Variants in NMNAT3 observed in about 807,000 individuals in gnomAD.
The protein encoded by NMNAT3 is nicotinamide nucleotide adenylyltransferase 3, also known as nicotinamide/nicotinic acid mononucleotide adenylyltransferase 3.
A neutral mutation model predicts 24.8 loss-of-function variants in NMNAT3; 21 were observed. The observed-to-expected ratio is 0.85, with a 90% CI of 0.60 to 1.22. The LOEUF is 1.22. Ranked by LOEUF, NMNAT3 falls within the 50% of genes most tolerant of loss-of-function variation. The probability of loss-of-function intolerance (pLI) is 0.00; values close to 1 mark genes in which losing one functional copy is unlikely to be tolerated. For missense variants in NMNAT3, 387 were observed against 436.6 expected (o/e 0.89, Z 1.01); for synonymous variants, 136 against 155.2 (o/e 0.88, Z 0.92).
At chr3:139,677,125 TA>T (rs562737300) in intron 1 of NMNAT3, among the ~76,000 whole-genome samples, 31 of 152,330 alleles carry the variant, frequency 2.0e-4, no homozygotes, top group African/African-American at 7.5e-4. Context: ...GGGAATTCTC[TA>T]AAGTTTTAGT....
chr3:139,576,166 C>T (rs1576543336), intron 5 of NMNAT3: 1 of 985,250 alleles, frequency 1.0e-6, no homozygotes, highest in African/African-American at 1.7e-5. Context: ...CTAAATGGAG[C>T]AAAAGATGGG....
intron 1 of NMNAT3, among the ~76,000 whole-genome samples, chr3:139,669,547 C>T (rs926100903): frequency 6.7e-6 from 1 of 148,662 alleles, no homozygotes; most frequent in Admixed American, 6.7e-5. Flanking sequence ...GTTGAAATGT[C>T]AGCACAACCA....
chr3:139,629,838 C>A (rs769684161), intron 2 of NMNAT3, among the ~76,000 whole-genome samples: 1 of 152,166 alleles, frequency 6.6e-6, no homozygotes, highest in Admixed American at 6.5e-5. Context: ...GAAAACCCCC[C>A]GGCACATCCC....
intron 2 of NMNAT3, among the ~76,000 whole-genome samples, chr3:139,631,896 T>C (rs1459075664): frequency 6.6e-6 from 1 of 152,232 alleles, no homozygotes; most frequent in African/African-American, 2.4e-5. Context: ...CTGTCATTTT[T>C]TTAATGCATG....
chr3:139,563,619 C>T (rs1227367295), intron 6 of NMNAT3, among the ~76,000 whole-genome samples: 1 of 152,186 alleles, frequency 6.6e-6, no homozygotes, highest in Non-Finnish European at 1.5e-5. Flanking sequence ...AAAGGCATGT[C>T]TGTGAGGCTG....
At chr3:139,636,106 C>G (rs911439157) in intron 2 of NMNAT3, 1 of 152,152 alleles carries the variant, frequency 6.6e-6, no homozygotes, top group Admixed American at 6.5e-5. Context: ...TTTCTTTTAC[C>G]TGGGGTAGAA....
At chr3:139,609,582 T>TTTAA (rs144490688) in intron 3 of NMNAT3, 141,227 of 151,998 alleles carry the variant, frequency 0.93, 66,534 homozygotes, top group East Asian at 1. Context: ...CTGATTGTGT[T>TTTAA]TTGTTAAATT....
At chr3:139,647,989 C>T (rs947708312) in intron 1 of NMNAT3, among the ~76,000 whole-genome samples, 3 of 152,176 alleles carry the variant, frequency 2.0e-5, no homozygotes, top group Admixed American at 1.3e-4. Flanking sequence ...ATTCAACTTC[C>T]TGCCTGCAGC....
At chr3:139,652,293 A>G (rs1170406507) in intron 1 of NMNAT3, among the ~76,000 whole-genome samples, 1 of 152,222 alleles carries the variant, frequency 6.6e-6, no homozygotes, top group East Asian at 1.9e-4. Flanking sequence ...AGTGAGGTTA[A>G]ATGGCTCCGG....
intron 2 of NMNAT3, among the ~76,000 whole-genome samples, chr3:139,632,876 T>C (rs1287968694): frequency 6.6e-6 from 1 of 152,168 alleles, no homozygotes; most frequent in Non-Finnish European, 1.5e-5. Flanking sequence ...ACTTTACAGA[T>C]GTGATTACAT....
rs968036271 is a variant in NMNAT3, at chr3:139,661,727, GC to G, written c.-141+15977del. ...TATAATAAACTGCCACATAGAGGTC[GC>G]CCCCCCAAATTATTGACATACTTCT... On this transcript the variant is annotated intron_variant, in intron 1 of 6. Transcript: ENST00000643695. Among the ~76,000 whole-genome samples the G allele has an allele frequency of 8.1e-4, 123 of 151,978 alleles. 2 individuals carry two copies. Among genetic ancestry groups the G allele is most frequent in the African/African-American group, 2.9e-3 (120 of 41,466 alleles).
At chr3:139,657,244 G>A (rs2057275379) in intron 1 of NMNAT3, among the ~76,000 whole-genome samples, 1 of 152,198 alleles carries the variant, frequency 6.6e-6, no homozygotes, top group Non-Finnish European at 1.5e-5. Context: ...CAAGCCACAA[G>A]ATCTTTGGTA....
chr3:139,580,760 T>C (rs1940063814), intron 4 of NMNAT3, among the ~76,000 whole-genome samples: 1 of 152,222 alleles, frequency 6.6e-6, no homozygotes, highest in Non-Finnish European at 1.5e-5. Flanking sequence ...TCCAGGATTT[T>C]ATTCATCATA....
chr3:139,578,356 C>A (rs1345484055), intron 5 of NMNAT3, among the ~76,000 whole-genome samples: 1 of 151,970 alleles, frequency 6.6e-6, no homozygotes, highest in Non-Finnish European at 1.5e-5. Context: ...TTACAGAACC[C>A]AGGAATTGTA....
chr3:139,584,412 T>C (rs1576575615), intron 3 of NMNAT3: 1 of 156,790 alleles, frequency 6.4e-6, no homozygotes, highest in East Asian at 1.9e-4. Flanking sequence ...ATCAGTGGGG[T>C]GACAGATGTC....
At chr3:139,675,705 A>T (rs2057908044) in intron 1 of NMNAT3, among the ~76,000 whole-genome samples, 1 of 151,968 alleles carries the variant, frequency 6.6e-6, no homozygotes, top group Non-Finnish European at 1.5e-5. Flanking sequence ...TGTTTCATCA[A>T]TTTTTGTCCA....
chr3:139,627,550 G>T, intron 3 of NMNAT3, 66 bp downstream of exon 4: 1 of 820,734 alleles, frequency 1.2e-6, no homozygotes, highest in Non-Finnish European at 1.9e-6. Flanking sequence ...GATGCCAGCA[G>T]CCAGAAAAGC....
At chr3:139,623,033 T>C (rs2055875838) in intron 3 of NMNAT3, among the ~76,000 whole-genome samples, 1 of 151,446 alleles carries the variant, frequency 6.6e-6, no homozygotes. Flanking sequence ...TTTAAAAATA[T>C]TTTTCTTTCT....
chr3:139,599,258 T>A (rs1242217012), intron 3 of NMNAT3: 1 of 691,296 alleles, frequency 1.4e-6, no homozygotes. Context: ...CAGACGTGGC[T>A]GCTCTGTAGC....
Sources: allele counts gnomAD v4.1 joint callset (sites outside exome capture counted in the v4.1 genomes callset), GRCh38; gene constraint gnomAD v4.1.1; transcripts MANE v1.5; gene names NCBI Gene and HGNC (gene_info 2026-07-23, HGNC 2026-07-21).